The following TTLL10 variants were observed in gnomAD, a reference collection of about 807,000 sequenced individuals.
TTLL10 encodes inactive polyglycylase TTLL10.
A neutral mutation model predicts 69.0 loss-of-function variants in TTLL10; 61 were observed. That is an observed-to-expected ratio of 0.88 (90% CI 0.72 to 1.09). The LOEUF is 1.09. TTLL10 is among the 50% of genes least tolerant of loss of function. TTLL10 has a pLI of 0.00. For synonymous variants in TTLL10, 408 were observed against 393.3 expected, an observed-to-expected ratio of 1.04 and a Z score of -0.44; for missense variants, 962 against 945.9, an observed-to-expected ratio of 1.02 and a Z score of -0.22.
Position 1,180,818 on chromosome 1 carries a change from C to A in TTLL10, c.713C>A (p.Ala238Asp). The A allele has an allele frequency of 6.3e-7, 1 of 1,599,962 alleles. No homozygotes were observed. The highest frequency in any genetic ancestry group is 1.1e-5 in the South Asian group (1 of 88,346). Residue 238 changes from alanine (A) to aspartate (D), a missense_variant, in exon 8 of 16, where the codon GCC becomes GAC. Transcript: ENST00000379289. Reference sequence around the variant, plus strand: ...AGCACCCTTCGGGGACGGGCACGGGCCATGAGCAAGGCCAGCAAGGTGCCG... The same window carrying A: ...AGCACCCTTCGGGGACGGGCACGGGACATGAGCAAGGCCAGCAAGGTGCCG... ...LLSTLRGRAR[A>D]MSKASKVPGG...
chr1:1,182,068 C>G (rs1474508174), intron 9 of TTLL10, among the ~76,000 whole-genome samples: 1 of 152,206 alleles, frequency 6.6e-6, no homozygotes, highest in Non-Finnish European at 1.5e-5. Context: ...GGTGGTGGCT[C>G]ACAAATGGCT....
Position 1,180,497 on chromosome 1 carries a change from G to C in TTLL10, c.521G>C (p.Cys174Ser). 6.5e-7 allele frequency: 1 copy of C among 1,548,726 alleles called. No individual in the cohort carries two copies. The change falls in exon 7 of 16, where the codon TGC (cysteine) becomes TCC (serine). Residue 174 changes from cysteine (C) to serine (S), a missense_variant. Coordinates refer to ENST00000379289, the MANE Select transcript of TTLL10 (RefSeq NM_001130045.2). ...ACCCCTCGCAGCATCAGCTCCTACT[G>C]CAAAAGCAAGGGCTGGCAGCGCATC... ...SNGATIISSY[C>S]KSKGWQRIHD...
Position 1,183,010 on chromosome 1 carries a change from A to T in TTLL10, c.1051A>T (p.Thr351Ser). 1 of 1,609,522 alleles carries T rather than the reference A, an allele frequency of 6.2e-7. No homozygotes were observed. Among genetic ancestry groups the T allele is most frequent in the Non-Finnish European group, 8.5e-7 (1 of 1,178,426 alleles). Reference protein sequence around the residue: ...SMEDDPIHHKTPFRGPQARVV... With the variant: ...SMEDDPIHHKSPFRGPQARVV... ...GGAGGACGACCCCATCCACCACAAG[A>T]CGCCGTTCCGGGGGCCTCAGGCGCG... Residue 351 changes from threonine to serine, a missense_variant, in exon 11 of 16, where the codon ACG (threonine) becomes TCG (serine). Thr to Ser is a moderately conservative substitution (Grantham distance 58). Coordinates refer to ENST00000379289, the MANE Select transcript of TTLL10 (RefSeq NM_001130045.2).
chr1:1,196,722 G>A lies in TTLL10; in HGVS notation c.1518+6G>A. The A allele has an allele frequency of 6.5e-7, 1 of 1,541,898 alleles. No homozygotes were observed. Among genetic ancestry groups the A allele is most frequent in the Non-Finnish European group, 8.8e-7 (1 of 1,137,726 alleles). On this transcript the variant is annotated splice_donor_region_variant and intron_variant, in intron 14 of 15. Coordinates refer to ENST00000379289, the MANE Select transcript of TTLL10 (RefSeq NM_001130045.2). Reference sequence around the variant, plus strand: ...TGATTGATGACAACTTCAAGGTGCTGTCCTGGGCGGCGGGGGGCACAGTAG... The same window carrying A: ...TGATTGATGACAACTTCAAGGTGCTATCCTGGGCGGCGGGGGGCACAGTAG...
In TTLL10 at chr1:1,180,284, C is replaced by T; in HGVS notation, c.450C>T (p.Pro150=). 1 of 1,594,404 alleles carries T rather than the reference C, an allele frequency of 6.3e-7. No individual in the cohort carries two copies. Among genetic ancestry groups the T allele is most frequent in the Non-Finnish European group, 8.5e-7 (1 of 1,171,618 alleles). The change falls in exon 6 of 16, where the codon CCC becomes CCT. Residue 150 remains proline, a synonymous_variant. Transcript: ENST00000379289. ...GLLLGGGKPS[P]HSTRPGPFFY... ...TGCTGGGGGGTGGGAAGCCATCGCCCCACAGCACCCGGCCGGGGCCCTTCT... is the reference window on the plus strand; with the variant it reads ...TGCTGGGGGGTGGGAAGCCATCGCCTCACAGCACCCGGCCGGGGCCCTTCT...
At chr1:1,191,511 A>G (rs1647775250) in intron 13 of TTLL10, among the ~76,000 whole-genome samples, 1 of 152,226 alleles carries the variant, frequency 6.6e-6, no homozygotes, top group Non-Finnish European at 1.5e-5. Context: ...ATGTCCCAGC[A>G]TATGGTCTAT....
At chr1:1,190,246 CCTT>C (rs1011536244) in intron 13 of TTLL10, among the ~76,000 whole-genome samples, 1 of 143,852 alleles carries the variant, frequency 7.0e-6, no homozygotes, top group East Asian at 2.0e-4. Flanking sequence ...ATTCTTCTCT[CCTT>C]TTTTTTTTTT....
chr1:1,184,962 C>A lies in TTLL10; in HGVS notation c.1261-7C>A, dbSNP rs867395818. The A allele has an allele frequency of 1.2e-6, 2 of 1,606,536 alleles. No individual in the cohort carries two copies. Among genetic ancestry groups the A allele is most frequent in the Non-Finnish European group, 1.7e-6 (2 of 1,176,962 alleles). On this transcript the variant is annotated splice_region_variant and splice_polypyrimidine_tract_variant and intron_variant, in intron 12 of 15. Transcript: ENST00000379289. The stretch of plus-strand genomic sequence containing the variant: ...GGAGCCAGTCTCCAGGCACCGTGTG[C>A]CCCCAGTTCATGCAGAAGAAGAGCC...
intron 10 of TTLL10, 31 bp downstream of exon 10, chr1:1,182,477 G>T: frequency 6.2e-7 from 1 of 1,609,818 alleles, no homozygotes; most frequent in African/African-American, 1.3e-5. Flanking sequence ...CACCAGGCTG[G>T]CCCTGGGGAG....
intron 15 of TTLL10, 102 bp downstream of exon 15, chr1:1,197,288 C>T (rs1279379085): frequency 7.5e-7 from 1 of 1,342,080 alleles, no homozygotes; most frequent in Non-Finnish European, 1.0e-6. Context: ...GGGGCTCTTC[C>T]ACCTCCCGAG....
chr1:1,177,060 CTGTG>C (rs371602667), intron 3 of TTLL10, among the ~76,000 whole-genome samples: 9 of 143,686 alleles, frequency 6.3e-5, no homozygotes, highest in South Asian at 4.3e-4. Flanking sequence ...GTGTGGGTGT[CTGTG>C]TGTGTGTGTG....
rs1570426440 is a variant in TTLL10 at position 1,185,226 on chromosome 1, T to C, written c.1401+117T>C. The C allele has an allele frequency of 6.6e-7, 1 of 1,509,144 alleles. No individual in the cohort carries two copies. Among genetic ancestry groups the C allele is most frequent in the South Asian group, 1.3e-5 (1 of 75,128 alleles). 93.5% of individuals were successfully genotyped at this position (1,509,144 alleles called of 1,614,324 possible). A position where few individuals can be genotyped will look rare whatever the true frequency, so the allele number is the denominator to read the frequency against. Reference sequence around the variant, plus strand: ...GCGTGCGTGGGCGGCTGCGCTGAAGTGTGACCTGACCGTGTGGAACCAAAC... The same window carrying C: ...GCGTGCGTGGGCGGCTGCGCTGAAGCGTGACCTGACCGTGTGGAACCAAAC... On this transcript the variant is annotated intron_variant, in intron 13 of 15. Coordinates refer to ENST00000379289, the MANE Select transcript of TTLL10 (RefSeq NM_001130045.2). The surrounding 1 kb of genome is among the most constrained non-coding windows in gnomAD (Gnocchi z 6.1).
intron 14 of TTLL10, 137 bp from the exon 15 acceptor site, chr1:1,196,956 G>C: frequency 2.2e-6 from 2 of 910,510 alleles, no homozygotes; most frequent in Non-Finnish European, 3.4e-6. Context: ...CAGAGCTTCA[G>C]TGGACAAACA....
intron 11 of TTLL10, among the ~76,000 whole-genome samples, chr1:1,183,545 C>A (rs930141675): frequency 2.0e-5 from 3 of 152,208 alleles, no homozygotes; most frequent in Non-Finnish European, 4.4e-5. Context: ...TCCATCGGCT[C>A]CTCCCTCGCG....
chr1:1,184,888 G>T, intron 12 of TTLL10, 81 bp from the exon 13 acceptor site: 1 of 513,684 alleles, frequency 1.9e-6, no homozygotes, highest in South Asian at 2.4e-5. Context: ...TAGGTTAGGG[G>T]GATGTTCTCT....
rs1168016636 is a variant in TTLL10, at chr1:1,195,500, C to CTTTTTTTTTTTT, written c.1402-1093_1402-1082dup. Among the ~76,000 whole-genome samples, 345 of 98,540 alleles carry CTTTTTTTTTTTT rather than the reference C, an allele frequency of 3.5e-3. 20 individuals carry two copies. The highest frequency in any genetic ancestry group is 0.012 in the African/African-American group (290 of 23,886). 64.6% of individuals were successfully genotyped at this position (98,540 alleles called of 152,430 possible). A position where few individuals can be genotyped will look rare whatever the true frequency, so the allele number is the denominator to read the frequency against. On this transcript the variant is annotated intron_variant, in intron 13 of 15. Transcript: ENST00000379289. ...TATTTGATAAGACATCATCGTCATA[C>CTTTTTTTTTTTT]TTTTTTTTTTTTTTTTTTAGTTTTA...
In TTLL10 at chr1:1,197,838, G is replaced by A. The variant is rs776432604; in HGVS notation, c.2013G>A (p.Ala671=). The change falls in exon 16 of 16, where the codon GCG becomes GCA. Residue 671 remains alanine, a synonymous_variant. Coordinates refer to ENST00000379289, the MANE Select transcript of TTLL10 (RefSeq NM_001130045.2). The part of the protein sequence containing the change: ...AKEEREEPEN[A]RP ...AGGAACGCGAGGAGCCTGAGAACGCGAGGCCCTAGGGGCAGCCACCCGCGC... is the reference window on the plus strand; with the variant it reads ...AGGAACGCGAGGAGCCTGAGAACGCAAGGCCCTAGGGGCAGCCACCCGCGC... The A allele has an allele frequency of 7.4e-6, 11 of 1,492,862 alleles. No homozygotes were observed. The highest frequency in any genetic ancestry group is 3.8e-5 in the South Asian group (3 of 77,940). 92.5% of individuals were successfully genotyped at this position (1,492,862 alleles called of 1,614,324 possible).
intron 3 of TTLL10, among the ~76,000 whole-genome samples, chr1:1,176,695 G>A (rs955324488): frequency 6.6e-6 from 1 of 152,132 alleles, no homozygotes; most frequent in African/African-American, 2.4e-5. Context: ...TCCTTCCTCC[G>A]GCTCTGTGCC....
chr1:1,179,464 G>A (rs1328753265), intron 4 of TTLL10, 131 bp downstream of exon 4: 9 of 1,229,320 alleles, frequency 7.3e-6, no homozygotes, highest in African/African-American at 3.0e-5. Context: ...GCCATGCCCC[G>A]CTGCTCCGAG....
Sources: allele counts gnomAD v4.1 joint callset (sites outside exome capture counted in the v4.1 genomes callset), GRCh38; gene constraint gnomAD v4.1.1; non-coding constraint Gnocchi (gnomAD v3.1); transcripts MANE v1.5; gene names NCBI Gene and HGNC (gene_info 2026-07-23, HGNC 2026-07-21).